The following SEC16B variants were observed in gnomAD, a reference collection of about 807,000 sequenced individuals.
SEC16B encodes protein transport protein Sec16B.
In SEC16B, 115 loss-of-function variants were observed where a neutral mutation model predicts 141.8. The ratio of observed to expected loss-of-function variants is 0.81; its 90% CI spans 0.70 to 0.95. The LOEUF (loss-of-function observed/expected upper bound fraction) is 0.95. SEC16B is among the 40% of genes least tolerant of loss of function. SEC16B has a pLI of 0.00. For missense variants in SEC16B, 1,291 were observed against 1,312.3 expected (o/e 0.98, Z 0.25); for synonymous variants, 493 against 492.5 (o/e 1.00, Z -0.01).
chr1:177,959,952 T>A (rs1419859690), intron 8 of SEC16B: 3 of 236,618 alleles, frequency 1.3e-5, no homozygotes, highest in African/African-American at 6.8e-5. Context: ...CTTATTTACC[T>A]CTCCAGGAAA....
intron 20 of SEC16B, among the ~76,000 whole-genome samples, chr1:177,934,203 A>G (rs1448930132): frequency 6.6e-6 from 1 of 152,168 alleles, no homozygotes; most frequent in African/African-American, 2.4e-5. Context: ...TTAAATGTAC[A>G]ATTCAGTGGC....
chr1:177,969,275 A>G (rs1437121007), intron 1 of SEC16B, among the ~76,000 whole-genome samples: 1 of 152,228 alleles, frequency 6.6e-6, no homozygotes, highest in Non-Finnish European at 1.5e-5. Context: ...GCCGAGGTCG[A>G]CAGCTATGAG....
Position 177,960,239 on chromosome 1 carries a change from T to C in SEC16B, c.998+103A>G, listed in dbSNP as rs1418314980. 6 of 793,554 alleles carry C rather than the reference T, an allele frequency of 7.6e-6. No individual in the cohort carries two copies. The East Asian group carries it at 1.3e-4, about 18-fold the overall frequency. The allele number at this position is 793,554 out of a possible 1,614,324, so 49.2% of individuals were successfully genotyped here. Reference sequence around the variant, plus strand: ...TTCCACTCCAACAAGGACAGATATTTTTTTCCAAGGAAACCAAGAACAAAT... The same window carrying C: ...TTCCACTCCAACAAGGACAGATATTCTTTTCCAAGGAAACCAAGAACAAAT... On this transcript the variant is annotated intron_variant, in intron 8 of 25. Transcript: ENST00000308284.
chr1:177,983,036 A>G (rs56852330), intron 1 of SEC16B, among the ~76,000 whole-genome samples: 6,729 of 152,216 alleles, frequency 0.044, 490 homozygotes, highest in African/African-American at 0.15. Flanking sequence ...GAATATCTCA[A>G]TCTGATGAGG....
chr1:177,981,037 A>G (rs1041599850), intron 1 of SEC16B, among the ~76,000 whole-genome samples: 2 of 151,906 alleles, frequency 1.3e-5, no homozygotes, highest in Non-Finnish European at 2.9e-5. Flanking sequence ...CACCCGGACA[A>G]GAAGAGTGGA....
chr1:177,970,278 C>A (rs755280994), upstream of SEC16B: 1 of 152,192 alleles, frequency 6.6e-6, no homozygotes, highest in Non-Finnish European at 1.5e-5. Context: ...CCTGGTCTGG[C>A]GAGAAAAGCA....
intron 19 of SEC16B, among the ~76,000 whole-genome samples, chr1:177,936,817 A>G (rs1275873906): frequency 6.6e-6 from 1 of 152,224 alleles, no homozygotes; most frequent in African/African-American, 2.4e-5. Flanking sequence ...CTCGGGACCA[A>G]GACAGAAACA....
chr1:177,978,385 T>A (rs1051746965), intron 1 of SEC16B, among the ~76,000 whole-genome samples: 7 of 152,050 alleles, frequency 4.6e-5, no homozygotes, highest in African/African-American at 1.7e-4. Context: ...CAACAAATGG[T>A]TGGTATCAAC....
chr1:177,960,603 T>C, intron 7 of SEC16B, 188 bp downstream of exon 7: 1 of 701,900 alleles, frequency 1.4e-6, no homozygotes, highest in South Asian at 1.9e-5. Flanking sequence ...GTAGCATCAA[T>C]TCTTTCAGAG....
intron 10 of SEC16B, among the ~76,000 whole-genome samples, chr1:177,955,129 TCA>T (rs984463251): frequency 1.3e-5 from 2 of 149,776 alleles, no homozygotes; most frequent in African/African-American, 5.1e-5. Context: ...ACAAAAAAAT[TCA>T]CAGATTAAAA....
intron 1 of SEC16B, among the ~76,000 whole-genome samples, chr1:177,979,640 A>G (rs1654319046): frequency 6.6e-6 from 1 of 152,252 alleles, no homozygotes; most frequent in African/African-American, 2.4e-5. Context: ...TTCTAAGTGT[A>G]TTAGTCCATT....
chr1:177,936,463 G>T, intron 19 of SEC16B, 98 bp from the exon 20 acceptor site: 4 of 1,049,454 alleles, frequency 3.8e-6, no homozygotes, highest in Non-Finnish European at 4.3e-6. Context: ...TTTCTTAACT[G>T]CAGCAGAAGC....
chr1:177,968,002 C>T lies in SEC16B; in HGVS notation c.-21G>A. On this transcript the variant is annotated 5_prime_UTR_variant, in exon 2 of 26. Coordinates refer to ENST00000308284, the MANE Select transcript of SEC16B (RefSeq NM_033127.4). ...TCCATCCTTGACTCTCTGAATTTGT[C>T]CTGGGTTTTGAGTAAGTTGTGCAGT... The T allele has an allele frequency of 6.3e-7, 1 of 1,577,470 alleles. No homozygotes were observed. The highest frequency in any genetic ancestry group is 1.4e-5 in the African/African-American group (1 of 73,896).
In SEC16B at chr1:177,960,921, G is replaced by A; in HGVS notation, c.806C>T (p.Pro269Leu). 1.2e-6 allele frequency: 2 copies of A among 1,613,894 alleles called. No individual in the cohort carries two copies. The highest frequency in any genetic ancestry group is 1.3e-5 in the African/African-American group (1 of 75,024). Residue 269 changes from proline (P) to leucine (L), a missense_variant, in exon 7 of 26, where the codon CCC (proline) becomes CTC (leucine). By Grantham distance (98) the Pro-to-Leu change is moderately conservative (BLOSUM62 -3). Transcript: ENST00000308284. Reference protein sequence around the residue: ...PVQADVSSAGPKAPMKFYIPH... With the variant: ...PVQADVSSAGLKAPMKFYIPH... ...GATGTAGAACTTCATGGGTGCTTTG[G>A]GACCAGCTGAGGAGACATCTTCTGA... is the stretch of plus-strand genomic sequence containing the variant.
At chr1:177,961,297 C>T (rs183437379) in intron 6 of SEC16B, 9 of 456,798 alleles carry the variant, frequency 2.0e-5, no homozygotes, top group Admixed American at 8.1e-5. Flanking sequence ...CTTGCTTTTG[C>T]TTTTCCTAAT....
chr1:177,955,128 T>A (rs950408318), intron 10 of SEC16B, among the ~76,000 whole-genome samples: 5 of 149,894 alleles, frequency 3.3e-5, no homozygotes, highest in Admixed American at 6.6e-5. Flanking sequence ...GACAAAAAAA[T>A]TCACAGATTA....
intron 12 of SEC16B, among the ~76,000 whole-genome samples, chr1:177,949,291 A>G (rs149468753): frequency 6.6e-6 from 1 of 151,942 alleles, no homozygotes; most frequent in East Asian, 1.9e-4. Context: ...ACATGTGCTA[A>G]GTCCTATTAT....
intron 16 of SEC16B, among the ~76,000 whole-genome samples, chr1:177,941,165 A>C (rs1651243005): frequency 6.6e-6 from 1 of 152,210 alleles, no homozygotes; most frequent in African/African-American, 2.4e-5. Context: ...TTTGTATTTC[A>C]AGGATTTATT....
Position 177,933,539 on chromosome 1 carries a change from G to A in SEC16B, c.2669C>T (p.Ser890Phe). Residue 890 changes from serine to phenylalanine, a missense_variant, in exon 21 of 26, where the codon TCT becomes TTT. By Grantham distance (155) the Ser-to-Phe change is radical. Coordinates refer to ENST00000308284, the MANE Select transcript of SEC16B (RefSeq NM_033127.4). ...GCCTCTCTGGGCAGTATTTCGGGGA[G>A]AGTTTTTATCAGCCTCATCAGAGGA... ...KESSDEADKN[S>F]PRNTAQRGKL... 1 of 1,613,974 alleles carries A rather than the reference G, an allele frequency of 6.2e-7. No homozygotes were observed. Among genetic ancestry groups the A allele is most frequent in the Non-Finnish European group, 8.5e-7 (1 of 1,179,888 alleles).
Sources: gnomAD v4.1 joint callset for allele counts (sites outside exome capture counted in the v4.1 genomes callset) on GRCh38, gnomAD v4.1.1 for gene constraint, MANE v1.5 for transcripts, NCBI Gene and HGNC (gene_info 2026-07-23, HGNC 2026-07-21) for gene names.